The following AFG2A variants were observed in gnomAD, a reference collection of about 807,000 sequenced individuals.
The protein encoded by AFG2A is AAA ATPase AFG2A.
chr4:123,084,724 G>T, the AFG2A span, among the ~76,000 whole-genome samples: 8 of 151,708 alleles, frequency 5.3e-5, no homozygotes, highest in Non-Finnish European at 1.2e-4. Flanking sequence ...AACCTCCCTG[G>T]CTCGAGTGAT....
At chr4:123,121,923 C>T in the AFG2A span, among the ~76,000 whole-genome samples, 1 of 152,136 alleles carries the variant, frequency 6.6e-6, no homozygotes, top group East Asian at 1.9e-4. Context: ...ATTGATTGTT[C>T]AGAAACTTTG....
chr4:123,150,918 G>T, the AFG2A span, among the ~76,000 whole-genome samples: 1 of 152,154 alleles, frequency 6.6e-6, no homozygotes, highest in Non-Finnish European at 1.5e-5. Flanking sequence ...TACCAAAACA[G>T]ATATATAGAC....
At chr4:122,938,113 T>A in the AFG2A span, 1 of 1,579,826 alleles carries the variant, frequency 6.3e-7, no homozygotes, top group Non-Finnish European at 8.6e-7. Context: ...TCATTTTACT[T>A]GTTTGTTTTT....
the AFG2A span, among the ~76,000 whole-genome samples, chr4:123,088,628 G>A: frequency 6.6e-6 from 1 of 152,172 alleles, no homozygotes; most frequent in African/African-American, 2.4e-5. Flanking sequence ...GATCATGGGG[G>A]CAGATTTCCC....
the AFG2A span, among the ~76,000 whole-genome samples, chr4:123,140,859 A>G: frequency 2.0e-5 from 3 of 152,244 alleles, no homozygotes; most frequent in Non-Finnish European, 1.5e-5. Context: ...TGGAAATTTG[A>G]CCCCACATGG....
the AFG2A span, among the ~76,000 whole-genome samples, chr4:123,184,097 C>T: frequency 6.6e-6 from 1 of 152,004 alleles, no homozygotes; most frequent in African/African-American, 2.4e-5. Flanking sequence ...TACCTGGCCC[C>T]GACCTGATTT....
At chr4:123,309,650 T>C in the AFG2A span, among the ~76,000 whole-genome samples, 1 of 152,178 alleles carries the variant, frequency 6.6e-6, no homozygotes, top group African/African-American at 2.4e-5. Flanking sequence ...AGGTTGAGTA[T>C]CACTAATCTG....
At chr4:122,948,387 T>TACACACACACACACACAC in the AFG2A span, among the ~76,000 whole-genome samples, 2 of 129,618 alleles carry the variant, frequency 1.5e-5, no homozygotes, top group East Asian at 2.3e-4. Flanking sequence ...CTCCAGAGTA[T>TACACACACACACACACAC]ACACACACAC....
At chr4:123,195,594 A>G in the AFG2A span, among the ~76,000 whole-genome samples, 44 of 152,320 alleles carry the variant, frequency 2.9e-4, no homozygotes, top group South Asian at 6.8e-3. Flanking sequence ...GAGTTTAACA[A>G]CATATCTTAT....
chr4:122,956,334 T>G, the AFG2A span, among the ~76,000 whole-genome samples: 1 of 152,196 alleles, frequency 6.6e-6, no homozygotes, highest in Non-Finnish European at 1.5e-5. Context: ...AACCCTGTGA[T>G]AGAAGTATCA....
the AFG2A span, among the ~76,000 whole-genome samples, chr4:122,925,969 A>G: frequency 6.6e-6 from 1 of 152,246 alleles, no homozygotes; most frequent in South Asian, 2.1e-4. Flanking sequence ...AAGGTGCTCA[A>G]TAAATGTGAA....
At chr4:123,132,104 C>G in the AFG2A span, among the ~76,000 whole-genome samples, 3 of 152,184 alleles carry the variant, frequency 2.0e-5, no homozygotes, top group Middle Eastern at 3.4e-3. Context: ...TTTTCCCCCC[C>G]AGATTTATTG....
chr4:123,033,240 G>A, the AFG2A span, among the ~76,000 whole-genome samples: 20 of 152,124 alleles, frequency 1.3e-4, no homozygotes, highest in Non-Finnish European at 2.5e-4. Flanking sequence ...ACTTTTCGAA[G>A]GTCTAAGTGG....
chr4:123,314,192 G>T, the AFG2A span: 1 of 682,440 alleles, frequency 1.5e-6, no homozygotes, highest in East Asian at 3.2e-5. Flanking sequence ...GTAGAATTTA[G>T]GGGCTTTGGT....
chr4:123,141,972 T>C, the AFG2A span, among the ~76,000 whole-genome samples: 1 of 152,202 alleles, frequency 6.6e-6, no homozygotes, highest in African/African-American at 2.4e-5. Flanking sequence ...GAGCTTTAGG[T>C]TGACTATTTG....
chr4:123,283,389 C>CT, the AFG2A span, among the ~76,000 whole-genome samples: 1 of 150,060 alleles, frequency 6.7e-6, no homozygotes, highest in East Asian at 1.9e-4. Flanking sequence ...AGATGTTTGT[C>CT]TTTCTTATAG....
the AFG2A span, among the ~76,000 whole-genome samples, chr4:122,998,646 A>AT: frequency 5.7e-4 from 87 of 152,202 alleles, no homozygotes; most frequent in Non-Finnish European, 1.0e-3. Context: ...TGAACTCATC[A>AT]TTTTTTATGG....
chr4:123,281,157 T>G, the AFG2A span, among the ~76,000 whole-genome samples: 1 of 152,134 alleles, frequency 6.6e-6, no homozygotes, highest in African/African-American at 2.4e-5. Context: ...AGAATATATG[T>G]GGGCAAATTT....
chr4:123,207,008 T>C, the AFG2A span, among the ~76,000 whole-genome samples: 1 of 152,278 alleles, frequency 6.6e-6, no homozygotes, highest in South Asian at 2.1e-4. Context: ...GAATGTCTAC[T>C]TCAGTAAGGT....
Sources: allele counts gnomAD v4.1 joint callset (sites outside exome capture counted in the v4.1 genomes callset), GRCh38; gene constraint gnomAD v4.1.1; transcripts MANE v1.5; gene names NCBI Gene and HGNC (gene_info 2026-07-23, HGNC 2026-07-21).